IL18R1: variants seen among roughly 807,000 people sequenced by gnomAD.
IL18R1 encodes the protein interleukin 18 receptor 1.
In IL18R1, 40 loss-of-function variants were observed where a neutral mutation model predicts 48.5. That is an observed-to-expected ratio of 0.82 (90% confidence interval 0.64 to 1.07). IL18R1 has a LOEUF of 1.07. Ranked by LOEUF, IL18R1 falls within the 50% of genes least tolerant of loss-of-function variation. The pLI is 0.00. For synonymous variants in IL18R1, 232 were observed against 225.9 expected, an observed-to-expected ratio of 1.03 and a Z score of -0.24; for missense variants, 596 against 633.7, an observed-to-expected ratio of 0.94 and a Z score of 0.64.
At chr2:102,365,333 T>C (rs1678826764) in intron 2 of IL18R1, among the ~76,000 whole-genome samples, 1 of 152,190 alleles carries the variant, frequency 6.6e-6, no homozygotes, top group Non-Finnish European at 1.5e-5. Flanking sequence ...AAGTTCTAAA[T>C]TTAATAGGGC....
intron 3 of IL18R1, among the ~76,000 whole-genome samples, chr2:102,371,238 T>C (rs6733346): frequency 0.77 from 117,276 of 151,764 alleles, 46,299 homozygotes; most frequent in African/African-American, 0.89. Flanking sequence ...TTGGCCAGGC[T>C]GGTCTCAAAC....
rs114961425 is a variant in IL18R1 at position 102,383,144 on chromosome 2, C to G, written c.688+1462C>G. On this transcript the variant is annotated intron_variant, in intron 6 of 10. Transcript: ENST00000233957. ...TGTCCAGTTTAGATTCATTATAGTC[C>G]AAGATTATACACAGTGTCATTTCAA... 3.1e-3 allele frequency among the ~76,000 whole-genome samples: 479 copies of G among 152,194 alleles called. 3 individuals are homozygous for G. Among genetic ancestry groups the G allele is most frequent in the African/African-American group, 0.011 (455 of 41,504 alleles).
intron 9 of IL18R1, among the ~76,000 whole-genome samples, chr2:102,391,543 A>G (rs1275586299): frequency 1.3e-5 from 2 of 152,214 alleles, no homozygotes; most frequent in Admixed American, 1.3e-4. Flanking sequence ...AAATGCTGCA[A>G]TGGACAGCTT....
intron 8 of IL18R1, among the ~76,000 whole-genome samples, chr2:102,389,624 C>A (rs920969823): frequency 6.6e-6 from 1 of 152,124 alleles, no homozygotes; most frequent in Admixed American, 6.5e-5. Context: ...TCCTACAATA[C>A]AAAATAATTG....
chr2:102,369,002 T>A (rs1229429607), intron 3 of IL18R1, among the ~76,000 whole-genome samples: 1 of 152,182 alleles, frequency 6.6e-6, no homozygotes, highest in Non-Finnish European at 1.5e-5. Context: ...TTTGTTTTTA[T>A]ACATAGGAAC....
intron 8 of IL18R1, among the ~76,000 whole-genome samples, chr2:102,389,407 C>A (rs538707422): frequency 3.9e-5 from 6 of 152,112 alleles, no homozygotes; most frequent in African/African-American, 1.4e-4. Flanking sequence ...TAAACATAAA[C>A]GGAATCAATC....
Position 102,374,068 on chromosome 2 carries a change from C to T in IL18R1, c.469-1839C>T, listed in dbSNP as rs191377843. 2.0e-4 allele frequency: 55 copies of T among 270,532 alleles called. No individual in the cohort carries two copies. The East Asian group carries it at 3.2e-3, about 16-fold the overall frequency. 16.8% of individuals were successfully genotyped at this position (270,532 alleles called of 1,614,324 possible). A position where few individuals can be genotyped will look rare whatever the true frequency, so the allele number is the denominator to read the frequency against. On this transcript the variant is annotated intron_variant, in intron 4 of 10. Transcript: ENST00000233957. Reference sequence around the variant, plus strand: ...AATAAAGTGCACAATAAATGTAATGCGCCTGAATCATCCCCAAACCAACCA... The same window carrying T: ...AATAAAGTGCACAATAAATGTAATGTGCCTGAATCATCCCCAAACCAACCA...
chr2:102,368,192 A>G (rs1375654391), intron 3 of IL18R1, 124 bp downstream of exon 3: 26 of 1,031,246 alleles, frequency 2.5e-5, no homozygotes, highest in Non-Finnish European at 3.2e-5. Flanking sequence ...TACTCTTCCT[A>G]TGACATGAAA....
chr2:102,364,342 T>C (rs1678759064), intron 2 of IL18R1, among the ~76,000 whole-genome samples: 1 of 152,172 alleles, frequency 6.6e-6, no homozygotes, highest in East Asian at 1.9e-4. Context: ...AGATACTACA[T>C]TACAATGAGA....
chr2:102,387,103 C>G, intron 8 of IL18R1, 103 bp downstream of exon 8: 1 of 1,237,252 alleles, frequency 8.1e-7, no homozygotes, highest in Non-Finnish European at 1.1e-6. Flanking sequence ...GAACCCAGCT[C>G]CTGAGAGGGG....
At chr2:102,368,178 T>C (rs1466419632) in intron 3 of IL18R1, 110 bp downstream of exon 3, 16 of 1,131,554 alleles carry the variant, frequency 1.4e-5, no homozygotes, top group Non-Finnish European at 2.1e-5. Flanking sequence ...ATCCTTTTCT[T>C]TCCTACTCTT....
At chr2:102,380,949 G>C (rs1679884553) in intron 5 of IL18R1, among the ~76,000 whole-genome samples, 1 of 152,232 alleles carries the variant, frequency 6.6e-6, no homozygotes, top group Non-Finnish European at 1.5e-5. Context: ...AGGGTTTGCA[G>C]TTGCCAGCTG....
chr2:102,357,735 G>A lies in IL18R1; in HGVS notation c.-29+1335G>A, dbSNP rs73946805. ...ATAAGTGGGGAGGGTGGCCCAGGTA[G>A]CACAGGCATAGGCAGATTTGGGGGG... is the stretch of plus-strand genomic sequence containing the variant. On this transcript the variant is annotated intron_variant, in intron 1 of 10. Transcript: ENST00000233957. 5.4e-3 allele frequency among the ~76,000 whole-genome samples: 826 copies of A among 152,256 alleles called. 17 individuals are homozygous for A. Among genetic ancestry groups the A allele is most frequent in the African/African-American group, 0.019 (793 of 41,540 alleles).
chr2:102,367,415 G>A (rs548498261), intron 2 of IL18R1, among the ~76,000 whole-genome samples: 10 of 152,260 alleles, frequency 6.6e-5, no homozygotes, highest in South Asian at 6.2e-4. Context: ...TAGATTTCTT[G>A]TTTTCTTTTC....
intron 9 of IL18R1, among the ~76,000 whole-genome samples, chr2:102,390,618 G>A (rs994215546): frequency 4.6e-5 from 7 of 152,100 alleles, no homozygotes; most frequent in Non-Finnish European, 1.0e-4. Context: ...TGGCAAAGGA[G>A]GCTTACATAA....
In IL18R1 at chr2:102,373,727, C is replaced by T. The variant is rs11465611; in HGVS notation, c.468+1609C>T. ...ATACGCACTCCCATCCACACACATA[C>T]GCAACACAAATTGTGTAGTTCAGGG... is the stretch of plus-strand genomic sequence containing the variant. On this transcript the variant is annotated intron_variant, in intron 4 of 10. Transcript: ENST00000233957. Among the ~76,000 whole-genome samples, 932 of 152,250 alleles carry T rather than the reference C, an allele frequency of 6.1e-3. 14 individuals carry two copies. The highest frequency in any genetic ancestry group is 0.02 in the African/African-American group (842 of 41,542).
At position 102,372,195 on chromosome 2, in the gene IL18R1, C is replaced by T; in HGVS notation, c.468+77C>T. 5 of 1,207,616 alleles carry T rather than the reference C, an allele frequency of 4.1e-6. No individual in the cohort carries two copies. In the East Asian group the frequency reaches 1.3e-4, roughly 31 times the overall value. The allele number at this position is 1,207,616 out of a possible 1,614,324, so 74.8% of individuals were successfully genotyped here. On this transcript the variant is annotated intron_variant, in intron 4 of 10. Transcript: ENST00000233957. ...TCCCAAATGAGGGGCTGAGAGCTACCATTCTGGTCTCATAACAAATAAGCT... is the reference window on the plus strand; with the variant it reads ...TCCCAAATGAGGGGCTGAGAGCTACTATTCTGGTCTCATAACAAATAAGCT...
intron 1 of IL18R1, among the ~76,000 whole-genome samples, chr2:102,360,803 A>G (rs1678532204): frequency 6.6e-6 from 1 of 152,206 alleles, no homozygotes; most frequent in East Asian, 1.9e-4. Context: ...CATGTGAGAC[A>G]TTTAATATTT....
intron 1 of IL18R1, among the ~76,000 whole-genome samples, chr2:102,358,250 G>A (rs1678367920): frequency 6.6e-6 from 1 of 152,124 alleles, no homozygotes; most frequent in Non-Finnish European, 1.5e-5. Context: ...TTTAGAGAAA[G>A]GTCAGTTTCT....
Sources: gnomAD v4.1 joint callset for allele counts (sites outside exome capture counted in the v4.1 genomes callset) on GRCh38, gnomAD v4.1.1 for gene constraint, MANE v1.5 for transcripts, NCBI Gene and HGNC (gene_info 2026-07-23, HGNC 2026-07-21) for gene names.